The following SARDH variants were observed in gnomAD, a reference collection of about 807,000 sequenced individuals.
The protein encoded by SARDH is sarcosine dehydrogenase, mitochondrial.
In SARDH, 95 loss-of-function variants were observed where a neutral mutation model predicts 109.1. The ratio of observed to expected loss-of-function variants is 0.87; its 90% CI spans 0.74 to 1.03. SARDH has a LOEUF of 1.03. Among genes scored for constraint, SARDH ranks in the 50% least tolerant of loss-of-function variants. SARDH has a pLI of 0.00. For synonymous variants in SARDH, 572 were observed against 534.8 expected, an observed-to-expected ratio of 1.07 and a Z score of -0.96; for missense variants, 1,267 against 1,287.8, an observed-to-expected ratio of 0.98 and a Z score of 0.25.
chr9:133,662,745 C>T (rs1011165711), downstream of SARDH, among the ~76,000 whole-genome samples: 7 of 152,316 alleles, frequency 4.6e-5, no homozygotes, highest in African/African-American at 1.4e-4. The surrounding 1 kb of genome is among the most constrained non-coding windows in gnomAD (Gnocchi z 5.1). Flanking sequence ...TGTGGGGCCC[C>T]GGCTCCACGA....
At chr9:133,685,889 C>T (rs1388537670) in intron 16 of SARDH, among the ~76,000 whole-genome samples, 1 of 152,224 alleles carries the variant, frequency 6.6e-6, no homozygotes, top group Non-Finnish European at 1.5e-5. Context: ...TGTTCCCTGA[C>T]CTAACCCTCC....
intron 17 of SARDH, among the ~76,000 whole-genome samples, chr9:133,673,513 G>T (rs1326792422): frequency 6.6e-6 from 1 of 152,242 alleles, no homozygotes; most frequent in Non-Finnish European, 1.5e-5. Flanking sequence ...CAACCACAGG[G>T]GCAGCTCCTT....
At chr9:133,735,172 T>A (rs1189642195) in intron 1 of SARDH, among the ~76,000 whole-genome samples, 1 of 151,988 alleles carries the variant, frequency 6.6e-6, no homozygotes, top group Non-Finnish European at 1.5e-5. Flanking sequence ...GGCAGGCCCC[T>A]CCCAAACCCA....
rs2073815 is a variant in SARDH at position 133,708,290 on chromosome 9, G to A, written c.1467C>T (p.His489=). 884,503 of 1,611,578 alleles carry A rather than the reference G, an allele frequency of 0.55. 248,332 individuals carry two copies. Among genetic ancestry groups the A allele is most frequent in the Non-Finnish European group, 0.58 (681,879 of 1,178,964 alleles). ...GCAGGAGCTGTAGGGGCGTTACCTC[G>A]TGCAGCGGGTCTCTCCTCATGTTGC... The part of the protein sequence containing the change: ...AGRNMRRDPL[H]EELLGQGCVF... Residue 489 remains histidine (H), a synonymous_variant, in exon 11 of 21, where the codon CAC becomes CAT. Coordinates refer to ENST00000439388, the MANE Select transcript of SARDH (RefSeq NM_001134707.2).
chr9:133,665,466 C>T (rs10993953), intron 20 of SARDH, among the ~76,000 whole-genome samples: 37,286 of 152,208 alleles, frequency 0.24, 5,298 homozygotes, highest in East Asian at 0.39. Context: ...AAGACTCACT[C>T]TGTGCAGTGG....
intron 12 of SARDH, among the ~76,000 whole-genome samples, chr9:133,703,969 G>A (rs907200320): frequency 6.6e-6 from 1 of 152,134 alleles, no homozygotes; most frequent in Non-Finnish European, 1.5e-5. Context: ...GTGTGTTCCT[G>A]ACTCTCCTCT....
chr9:133,731,370 C>G lies in SARDH; in HGVS notation c.625G>C (p.Gly209Arg). The G allele has an allele frequency of 6.2e-7, 1 of 1,614,164 alleles. No homozygotes were observed. Among genetic ancestry groups the G allele is most frequent in the Non-Finnish European group, 8.5e-7 (1 of 1,180,010 alleles). The change falls in exon 4 of 21, where the codon GGT becomes CGT. Residue 209 changes from glycine to arginine, a missense_variant. Coordinates refer to ENST00000439388, the MANE Select transcript of SARDH (RefSeq NM_001134707.2). The part of the protein sequence containing the change: ...LYGTLYVPHD[G>R]TMDPAGTCTT... ...CAGGTGCCAGCGGGGTCCATGGTAC[C>G]GTCGTGCGGCACATACAGGGTCCCG...
In SARDH at chr9:133,718,710, T is replaced by G. The variant is rs79346802; in HGVS notation, c.1020+228A>C. On this transcript the variant is annotated intron_variant, in intron 7 of 20. Coordinates refer to ENST00000439388, the MANE Select transcript of SARDH (RefSeq NM_001134707.2). This position sits in a 1 kb window ranked among gnomAD's most constrained non-coding sequence, Gnocchi z 4.2. The stretch of plus-strand genomic sequence containing the variant: ...ACACTGCGCAGACCTTCTCTGTGGA[T>G]GTTTTGAGGCAAAGCCCTCCAGCTG... 2.6e-6 allele frequency: 2 copies of G among 779,548 alleles called. No homozygotes were observed. Among genetic ancestry groups the G allele is most frequent in the Non-Finnish European group, 4.8e-6 (2 of 418,008 alleles). The allele number at this position is 779,548 out of a possible 1,614,324, so 48.3% of individuals were successfully genotyped here.
rs1308792435 is a variant in SARDH, at chr9:133,663,729, C to T, written c.*160G>A. On this transcript the variant is annotated 3_prime_UTR_variant, in exon 21 of 21. Coordinates refer to ENST00000439388, the MANE Select transcript of SARDH (RefSeq NM_001134707.2). ...TGACCACAGGATGGGCCATCTTGGT[C>T]TCTGTCCGTATCTGGTTTGGGGGTT... is the stretch of plus-strand genomic sequence containing the variant. 7 of 995,830 alleles carry T rather than the reference C, an allele frequency of 7.0e-6. No homozygotes were observed. The highest frequency in any genetic ancestry group is 1.1e-5 in the Non-Finnish European group (7 of 666,254). The allele number at this position is 995,830 out of a possible 1,614,324, so 61.7% of individuals were successfully genotyped here.
chr9:133,663,761 G>C lies in SARDH; in HGVS notation c.*128C>G. ...CGTATCTGGTTTGGGGGTTTTCGCAGGACTAGGCCTAGGCTAAGGACAGGG... is the reference window on the plus strand; with the variant it reads ...CGTATCTGGTTTGGGGGTTTTCGCACGACTAGGCCTAGGCTAAGGACAGGG... On this transcript the variant is annotated 3_prime_UTR_variant, in exon 21 of 21. Transcript: ENST00000439388. 7.4e-7 allele frequency: 1 copy of C among 1,345,364 alleles called. No individual in the cohort carries two copies. Among genetic ancestry groups the C allele is most frequent in the Non-Finnish European group, 1.0e-6 (1 of 973,856 alleles). 83.3% of individuals were successfully genotyped at this position (1,345,364 alleles called of 1,614,324 possible).
chr9:133,701,520 A>C (rs1012632184), intron 13 of SARDH, among the ~76,000 whole-genome samples: 1 of 152,266 alleles, frequency 6.6e-6, no homozygotes, highest in African/African-American at 2.4e-5. Flanking sequence ...TTCGTGCTTT[A>C]GGACGGCTTC....
chr9:133,734,460 CTCAT>C lies in SARDH; in HGVS notation c.-30-261_-30-258del, dbSNP rs1007358894. Among the ~76,000 whole-genome samples, 706 of 146,992 alleles carry C rather than the reference CTCAT, an allele frequency of 4.8e-3. 14 individuals are homozygous for C. Among genetic ancestry groups the C allele is most frequent in the African/African-American group, 0.017 (661 of 39,310 alleles). ...ATTCACTCATTCATTCATTCATTCA[CTCAT>C]TCATTCATTCATTCATTCTGTGTGT... On this transcript the variant is annotated intron_variant, in intron 1 of 20. Coordinates refer to ENST00000439388, the MANE Select transcript of SARDH (RefSeq NM_001134707.2).
At chr9:133,702,842 C>A in intron 13 of SARDH, 74 bp downstream of exon 13, 2 of 1,413,828 alleles carry the variant, frequency 1.4e-6, no homozygotes, top group South Asian at 2.4e-5. Flanking sequence ...CAGGGCCAGC[C>A]GAGGGCCGGC....
At position 133,670,581 on chromosome 9, in the gene SARDH, C is replaced by A. The variant is rs1437943414; in HGVS notation, c.2495+3G>T. 5 of 1,569,750 alleles carry A rather than the reference C, an allele frequency of 3.2e-6. No individual in the cohort carries two copies. Among genetic ancestry groups the A allele is most frequent in the Non-Finnish European group, 4.3e-6 (5 of 1,157,718 alleles). On this transcript the variant is annotated splice_donor_region_variant and intron_variant, in intron 19 of 20. Coordinates refer to ENST00000439388, the MANE Select transcript of SARDH (RefSeq NM_001134707.2). The stretch of plus-strand genomic sequence containing the variant: ...GGTGGGCGTGGAACAGCGGGATACT[C>A]ACTCCTCCATGGTGAAGCACACCAG...
intron 17 of SARDH, among the ~76,000 whole-genome samples, chr9:133,672,091 C>A (rs1195031108): frequency 6.6e-6 from 1 of 152,238 alleles, no homozygotes; most frequent in Admixed American, 6.5e-5. Flanking sequence ...GCCACGCTTC[C>A]TCTGCAGGCT....
rs758446511 is a variant in SARDH at position 133,730,094 on chromosome 9, T to C, written c.784A>G (p.Ile262Val). Residue 262 changes from isoleucine (I) to valine (V), a missense_variant, in exon 5 of 21, where the codon ATC becomes GTC. Transcript: ENST00000439388. ...VAGVETQHGS[I>V]QTPCVVNCAG... Reference sequence around the variant, plus strand: ...CAGTTGACCACGCAGGGTGTCTGGATGGAACCATGCTGAGTCTCCACACCC... The same window carrying C: ...CAGTTGACCACGCAGGGTGTCTGGACGGAACCATGCTGAGTCTCCACACCC... 26 of 1,614,210 alleles carry C rather than the reference T, an allele frequency of 1.6e-5. No individual in the cohort carries two copies. The highest frequency in any genetic ancestry group is 2.0e-5 in the Non-Finnish European group (24 of 1,180,030).
intron 13 of SARDH, among the ~76,000 whole-genome samples, chr9:133,698,583 A>G (rs1831370801): frequency 6.6e-6 from 1 of 152,262 alleles, no homozygotes; most frequent in African/African-American, 2.4e-5. Flanking sequence ...ATAGACCTAT[A>G]GATCAACGGA....
Position 133,712,940 on chromosome 9 carries a change from G to A in SARDH, c.1237+98C>T. The A allele has an allele frequency of 8.0e-7, 1 of 1,253,070 alleles. No homozygotes were observed. Among genetic ancestry groups the A allele is most frequent in the African/African-American group, 1.5e-5 (1 of 67,526 alleles). 77.6% of individuals were successfully genotyped at this position (1,253,070 alleles called of 1,614,324 possible). A position where few individuals can be genotyped will look rare whatever the true frequency, so the allele number is the denominator to read the frequency against. On this transcript the variant is annotated intron_variant, in intron 9 of 20. Coordinates refer to ENST00000439388, the MANE Select transcript of SARDH (RefSeq NM_001134707.2). This position sits in a 1 kb window ranked among gnomAD's most constrained non-coding sequence, Gnocchi z 4.1. Reference sequence around the variant, plus strand: ...CCCAGCCTCTCCTGTCCCCACCACTGTCGGGGGCCACGGTGCTCCTGCGCC... The same window carrying A: ...CCCAGCCTCTCCTGTCCCCACCACTATCGGGGGCCACGGTGCTCCTGCGCC...
chr9:133,680,731 C>T (rs1439075499), intron 17 of SARDH, among the ~76,000 whole-genome samples: 1 of 148,944 alleles, frequency 6.7e-6, no homozygotes, highest in Non-Finnish European at 1.5e-5. Context: ...CACAGTCGTC[C>T]TCCAGACACA....
Sources: gnomAD v4.1 joint callset for allele counts (sites outside exome capture counted in the v4.1 genomes callset) on GRCh38, gnomAD v4.1.1 for gene constraint, Gnocchi (gnomAD v3.1) non-coding constraint, MANE v1.5 for transcripts, NCBI Gene and HGNC (gene_info 2026-07-23, HGNC 2026-07-21) for gene names.